Variants in GRM1 observed in about 807,000 individuals in gnomAD.
GRM1 encodes the protein glutamate metabotropic receptor 1.
Under a neutral mutation model 90.9 loss-of-function variants are expected in GRM1, and 33 were observed. The ratio of observed to expected loss-of-function variants is 0.36; its 90% CI spans 0.28 to 0.49. The LOEUF is 0.49. Among genes scored for constraint, GRM1 ranks in the 20% least tolerant of loss-of-function variants. The probability of loss-of-function intolerance (pLI) is 0.99; values close to 1 mark genes in which losing one functional copy is unlikely to be tolerated. For synonymous variants in GRM1, 700 were observed against 613.2 expected (o/e 1.14, Z -2.09); for missense variants, 1,190 against 1,534.3 (o/e 0.78, Z 3.75).
chr6:146,298,440 G>A (rs1783263339), intron 2 of GRM1, among the ~76,000 whole-genome samples: 1 of 152,122 alleles, frequency 6.6e-6, no homozygotes, highest in South Asian at 2.1e-4. Flanking sequence ...TTCACTATGG[G>A]ACCTAGTGAA....
At chr6:146,380,990 C>A (rs777138854) in intron 5 of GRM1, among the ~76,000 whole-genome samples, 1 of 152,160 alleles carries the variant, frequency 6.6e-6, no homozygotes, top group Non-Finnish European at 1.5e-5. Flanking sequence ...AGCTGGTATC[C>A]TAGATGCAAG....
intron 1 of GRM1, among the ~76,000 whole-genome samples, chr6:146,078,055 T>C (rs1776245912): frequency 1.3e-5 from 2 of 152,228 alleles, no homozygotes; most frequent in African/African-American, 2.4e-5. Context: ...GTTAGCTTAG[T>C]TGACACATTC....
rs1445990572 is a variant in GRM1 at position 146,357,046 on chromosome 6, C to G, written c.1434-480C>G. Among the ~76,000 whole-genome samples the G allele has an allele frequency of 3.9e-5, 6 of 152,246 alleles. No homozygotes were observed. In the East Asian group the frequency reaches 1.2e-3, roughly 29 times the overall value. On this transcript the variant is annotated intron_variant, in intron 4 of 7. Transcript: ENST00000282753. The stretch of plus-strand genomic sequence containing the variant: ...CAACATCCTTAGTAATTAAAGATGC[C>G]TTTCTCAGATTTCTTGCTCTATTAG...
intron 2 of GRM1, among the ~76,000 whole-genome samples, chr6:146,174,896 G>A (rs1214366691): frequency 6.6e-6 from 1 of 152,144 alleles, no homozygotes; most frequent in Admixed American, 6.5e-5. Context: ...ATTCTTGCTG[G>A]CTATTTGTTG....
intron 2 of GRM1, among the ~76,000 whole-genome samples, chr6:146,294,307 A>C (rs1783098144): frequency 6.6e-6 from 1 of 151,910 alleles, no homozygotes; most frequent in Admixed American, 6.6e-5. Context: ...AATATGTTTT[A>C]AGTTTCATTT....
intron 5 of GRM1, among the ~76,000 whole-genome samples, chr6:146,368,467 G>T (rs1053466284): frequency 1.3e-5 from 2 of 151,948 alleles, no homozygotes; most frequent in Non-Finnish European, 2.9e-5. Context: ...AGAAGAAAAA[G>T]ATTTCAATTT....
chr6:146,427,428 G>A (rs1778250357), intron 7 of GRM1, among the ~76,000 whole-genome samples: 1 of 152,074 alleles, frequency 6.6e-6, no homozygotes. Flanking sequence ...GAGAGTCAAA[G>A]GTACACATTC....
chr6:146,285,626 C>G lies in GRM1; in HGVS notation c.951-18985C>G, dbSNP rs142635356. 3.6e-3 allele frequency among the ~76,000 whole-genome samples: 548 copies of G among 152,264 alleles called. 3 individuals are homozygous for G. Among genetic ancestry groups the G allele is most frequent in the Middle Eastern group, 6.8e-3 (2 of 294 alleles). ...CCTGAAAGCTATGCTATTCTTATCT[C>G]TTTGCATAGTATTTCTGCATGGTGA... On this transcript the variant is annotated intron_variant, in intron 2 of 7. Transcript: ENST00000282753.
At chr6:146,235,827 C>T (rs1780629553) in intron 2 of GRM1, among the ~76,000 whole-genome samples, 1 of 151,264 alleles carries the variant, frequency 6.6e-6, no homozygotes, top group Non-Finnish European at 1.5e-5. Flanking sequence ...CTGATCATGT[C>T]TGTTGTCCAC....
At chr6:146,335,042 A>G (rs1015052170) in intron 3 of GRM1, among the ~76,000 whole-genome samples, 4 of 152,202 alleles carry the variant, frequency 2.6e-5, no homozygotes, top group South Asian at 2.1e-4. Context: ...TAAAGCAAAT[A>G]TGACTGTCCA....
chr6:146,208,068 T>C (rs1475484642), intron 2 of GRM1, among the ~76,000 whole-genome samples: 2 of 152,166 alleles, frequency 1.3e-5, no homozygotes, highest in Admixed American at 1.3e-4. Context: ...TCTTTTTTTC[T>C]TAAAGGTTGC....
At chr6:146,166,902 G>A (rs536329866) in intron 2 of GRM1, among the ~76,000 whole-genome samples, 12 of 152,218 alleles carry the variant, frequency 7.9e-5, no homozygotes, top group African/African-American at 2.6e-4. Context: ...AAGGGACTTA[G>A]TAATTTATAT....
chr6:146,316,928 A>G (rs767744501), intron 3 of GRM1, among the ~76,000 whole-genome samples: 1 of 152,188 alleles, frequency 6.6e-6, no homozygotes, highest in Non-Finnish European at 1.5e-5. Context: ...TTTTTCTAAG[A>G]AAAATCTTAT....
intron 2 of GRM1, among the ~76,000 whole-genome samples, chr6:146,185,566 A>G: frequency 6.6e-6 from 1 of 152,170 alleles, no homozygotes; most frequent in East Asian, 1.9e-4. Flanking sequence ...TTCCACATCC[A>G]CTTTCTGCTT....
intron 2 of GRM1, among the ~76,000 whole-genome samples, chr6:146,261,851 A>G (rs1431253571): frequency 1.3e-5 from 2 of 152,100 alleles, no homozygotes; most frequent in Non-Finnish European, 2.9e-5. Context: ...TATAGATATG[A>G]AAAAAATAGA....
intron 7 of GRM1, among the ~76,000 whole-genome samples, chr6:146,430,812 C>A (rs1261180162): frequency 1.3e-5 from 2 of 152,162 alleles, no homozygotes; most frequent in Non-Finnish European, 2.9e-5. Flanking sequence ...CCTCTCTTCA[C>A]GGCCATTTGA....
At chr6:146,070,987 C>T (rs189920828) in intron 1 of GRM1, among the ~76,000 whole-genome samples, 2 of 152,214 alleles carry the variant, frequency 1.3e-5, no homozygotes, top group South Asian at 2.1e-4. Context: ...AAGAAACTAT[C>T]GAAATAATTA....
chr6:146,371,883 C>T (rs1353827929), intron 5 of GRM1, among the ~76,000 whole-genome samples: 2 of 152,060 alleles, frequency 1.3e-5, no homozygotes, highest in African/African-American at 4.8e-5. Flanking sequence ...ATTTAGGTTG[C>T]TTCCAAATCT....
At chr6:146,180,707 A>T (rs1482362895) in intron 2 of GRM1, among the ~76,000 whole-genome samples, 1 of 152,062 alleles carries the variant, frequency 6.6e-6, no homozygotes, top group Non-Finnish European at 1.5e-5. Flanking sequence ...AAACTTTACT[A>T]AAATTGGTTT....
Sources: gnomAD v4.1 joint callset for allele counts (sites outside exome capture counted in the v4.1 genomes callset) on GRCh38, gnomAD v4.1.1 for gene constraint, MANE v1.5 for transcripts, NCBI Gene and HGNC (gene_info 2026-07-23, HGNC 2026-07-21) for gene names.